The following FBLN1 variants were observed in gnomAD, a reference collection of about 807,000 sequenced individuals.
The protein encoded by FBLN1 is fibulin-1.
FBLN1 carries 34 observed loss-of-function variants against 89.7 expected under a neutral mutation model. The observed-to-expected ratio is 0.38, with a 90% CI of 0.29 to 0.50. The LOEUF (loss-of-function observed/expected upper bound fraction) is 0.50. Ranked by LOEUF, FBLN1 falls within the 20% of genes least tolerant of loss-of-function variation. FBLN1 has a pLI of 0.92. For missense variants in FBLN1, 777 were observed against 988.1 expected (o/e 0.79, Z 2.86); for synonymous variants, 393 against 391.3 (o/e 1.00, Z -0.05).
intron 16 of FBLN1, among the ~76,000 whole-genome samples, chr22:45,589,067 T>TTA (rs979430407): frequency 2.1e-3 from 104 of 50,494 alleles, no homozygotes; most frequent in Middle Eastern, 0.013. Context: ...TATGTATTTT[T>TTA]TATATATAAA....
intron 11 of FBLN1, among the ~76,000 whole-genome samples, chr22:45,544,700 G>A (rs891682097): frequency 2.0e-5 from 3 of 152,164 alleles, no homozygotes; most frequent in African/African-American, 7.2e-5. Context: ...CTGGATACCT[G>A]GTCTTGGGCC....
chr22:45,554,125 T>G (rs1302216101), intron 14 of FBLN1, among the ~76,000 whole-genome samples: 1 of 152,204 alleles, frequency 6.6e-6, no homozygotes, highest in Non-Finnish European at 1.5e-5. Flanking sequence ...TCAATGGGCG[T>G]CTGTCTTCCA....
At chr22:45,587,104 C>G (rs1338935072) in intron 16 of FBLN1, among the ~76,000 whole-genome samples, 1 of 152,052 alleles carries the variant, frequency 6.6e-6, no homozygotes, top group African/African-American at 2.4e-5. Context: ...CGTCACGGAG[C>G]CTCTCCCCTC....
chr22:45,518,739 A>G lies in FBLN1; in HGVS notation c.137A>G (p.His46Arg). 3 of 1,612,574 alleles carry G rather than the reference A, an allele frequency of 1.9e-6. No individual in the cohort carries two copies. The highest frequency in any genetic ancestry group is 2.5e-6 in the Non-Finnish European group (3 of 1,179,400). ...GCGGACGGACACCGGATGGCCACTC[A>G]TCAGAAGGACTGCTCGCTGCCATAT... Reference protein sequence around the residue: ...CCADGHRMATHQKDCSLPYAT... With the variant: ...CCADGHRMATRQKDCSLPYAT... Residue 46 changes from histidine (H) to arginine (R), a missense_variant, in exon 2 of 17, where the codon CAT (histidine) becomes CGT (arginine). Physicochemically the swap from His to Arg is conservative, Grantham distance 29. Coordinates refer to ENST00000327858, the MANE Select transcript of FBLN1 (RefSeq NM_006486.3).
chr22:45,588,863 T>C lies in FBLN1; in HGVS notation c.1973-11444T>C, dbSNP rs1376697094. On this transcript the variant is annotated intron_variant, in intron 16 of 16. Transcript: ENST00000327858. The surrounding 1 kb of genome is among the most constrained non-coding windows in gnomAD (Gnocchi z 5.1). ...ATGATATGAATCTTTTGGCGGCCTC[T>C]CCTAACCGTCTTTAAATCTGCGAAA... Among the ~76,000 whole-genome samples the C allele has an allele frequency of 6.7e-6, 1 of 149,808 alleles. No individual in the cohort carries two copies. Among genetic ancestry groups the C allele is most frequent in the East Asian group, 1.9e-4 (1 of 5,140 alleles).
chr22:45,544,277 G>A (rs561454433), intron 11 of FBLN1, among the ~76,000 whole-genome samples: 54,415 of 151,834 alleles, frequency 0.36, 10,391 homozygotes, highest in Middle Eastern at 0.5. Context: ...AGTAGAGACA[G>A]GGTTTCCCCA....
chr22:45,539,385 G>A (rs891579424), intron 8 of FBLN1, among the ~76,000 whole-genome samples: 8 of 151,722 alleles, frequency 5.3e-5, no homozygotes, highest in African/African-American at 1.9e-4. Flanking sequence ...ATTTTCAGTA[G>A]AGATGGGGTT....
rs1022205204 is a variant in FBLN1 at position 45,577,586 on chromosome 22, G to A, written c.1972+478G>A. On this transcript the variant is annotated intron_variant, in intron 16 of 16. Coordinates refer to ENST00000327858, the MANE Select transcript of FBLN1 (RefSeq NM_006486.3). The surrounding 1 kb of genome is among the most constrained non-coding windows in gnomAD (Gnocchi z 6.6). ...CTCAGCCTTGGAACTAGCTGGATTC[G>A]CCATGTGGCCTTGAGCAGTAGTCGT... Among the ~76,000 whole-genome samples the A allele has an allele frequency of 1.3e-5, 2 of 152,190 alleles. No individual in the cohort carries two copies. Among genetic ancestry groups the A allele is most frequent in the Admixed American group, 6.5e-5 (1 of 15,282 alleles).
At position 45,581,850 on chromosome 22, in the gene FBLN1, G is replaced by A. The variant is rs1293923631; in HGVS notation, c.1972+4742G>A. 1.3e-5 allele frequency among the ~76,000 whole-genome samples: 2 copies of A among 152,094 alleles called. No individual in the cohort carries two copies. Among genetic ancestry groups the A allele is most frequent in the Admixed American group, 1.3e-4 (2 of 15,268 alleles). ...AGAGGCAGGGAGCCAGGAAGGGAGG[G>A]CACAGCCTGCGGTTTGGGGCTGCTG... On this transcript the variant is annotated intron_variant, in intron 16 of 16. Coordinates refer to ENST00000327858, the MANE Select transcript of FBLN1 (RefSeq NM_006486.3). The surrounding 1 kb of genome is among the most constrained non-coding windows in gnomAD (Gnocchi z 7.6).
intron 9 of FBLN1, among the ~76,000 whole-genome samples, 181 bp from the exon 10 acceptor site, chr22:45,541,974 T>C: frequency 6.6e-6 from 1 of 152,234 alleles, no homozygotes; most frequent in South Asian, 2.1e-4. Flanking sequence ...GGGCTGCCTC[T>C]GGGTCAGCTA....
At chr22:45,524,936 T>A (rs927261781) in intron 2 of FBLN1, among the ~76,000 whole-genome samples, 1 of 151,966 alleles carries the variant, frequency 6.6e-6, no homozygotes, top group Non-Finnish European at 1.5e-5. Flanking sequence ...ATAGAAAAGT[T>A]AGCCAGGTGT....
rs1208862305 is a variant in FBLN1 at position 45,502,891 on chromosome 22, C to T, written c.-95C>T. Reference sequence around the variant, plus strand: ...CGCGGCCCTGGCCCAGCGTTGGCTGCCGAGGCTCGGCCGGAGCGTGGAGCC... The same window carrying T: ...CGCGGCCCTGGCCCAGCGTTGGCTGTCGAGGCTCGGCCGGAGCGTGGAGCC... On this transcript the variant is annotated 5_prime_UTR_variant, in exon 1 of 17. Transcript: ENST00000327858. The T allele has an allele frequency of 2.4e-6, 1 of 422,714 alleles. No homozygotes were observed. Among genetic ancestry groups the T allele is most frequent in the Non-Finnish European group, 3.2e-6 (1 of 309,630 alleles). 26.2% of individuals were successfully genotyped at this position (422,714 alleles called of 1,614,324 possible). A position where few individuals can be genotyped will look rare whatever the true frequency, so the allele number is the denominator to read the frequency against.
At chr22:45,517,931 G>C (rs1266077618) in intron 1 of FBLN1, among the ~76,000 whole-genome samples, 1 of 152,130 alleles carries the variant, frequency 6.6e-6, no homozygotes, top group Non-Finnish European at 1.5e-5. Context: ...AGGAGTTCCA[G>C]ACCAGCCTAG....
At chr22:45,552,421 A>G (rs2088716082) in intron 14 of FBLN1, among the ~76,000 whole-genome samples, 1 of 152,086 alleles carries the variant, frequency 6.6e-6, no homozygotes, top group South Asian at 2.1e-4. Flanking sequence ...GACTCCCGGG[A>G]CTGATAGTGA....
At position 45,561,493 on chromosome 22, in the gene FBLN1, C is replaced by T. The variant is rs540932509; in HGVS notation, c.1697+10878C>T. The stretch of plus-strand genomic sequence containing the variant: ...AGCGATGAATCAGGAGTTTCAAATG[C>T]GTTTATTTTTCATAACTCTCTAAAC... On this transcript the variant is annotated intron_variant, in intron 14 of 16. Coordinates refer to ENST00000327858, the MANE Select transcript of FBLN1 (RefSeq NM_006486.3). The surrounding 1 kb of genome is among the most constrained non-coding windows in gnomAD (Gnocchi z 4.7). Among the ~76,000 whole-genome samples the T allele has an allele frequency of 2.6e-5, 4 of 152,252 alleles. No homozygotes were observed. The highest frequency in any genetic ancestry group is 2.1e-4 in the South Asian group (1 of 4,820).
In FBLN1 at chr22:45,502,978, C is replaced by A. The variant is rs1339724019; in HGVS notation, c.-8C>A. The A allele has an allele frequency of 8.4e-7, 1 of 1,186,916 alleles. No homozygotes were observed. The highest frequency in any genetic ancestry group is 3.9e-5 in the East Asian group (1 of 25,704). The allele number at this position is 1,186,916 out of a possible 1,614,324, so 73.5% of individuals were successfully genotyped here. ...CCGCCGCCGCCCACCGCCCGTCGCCCGCCGCCCATGGAGCGCGCCGCGCCG... is the reference window on the plus strand; with the variant it reads ...CCGCCGCCGCCCACCGCCCGTCGCCAGCCGCCCATGGAGCGCGCCGCGCCG... On this transcript the variant is annotated 5_prime_UTR_variant, in exon 1 of 17. Transcript: ENST00000327858.
chr22:45,552,207 A>C (rs1434225168), intron 14 of FBLN1, among the ~76,000 whole-genome samples: 3 of 152,030 alleles, frequency 2.0e-5, no homozygotes, highest in African/African-American at 7.2e-5. Context: ...AGGGGACCCC[A>C]CCTGGCTGGG....
chr22:45,514,920 G>A (rs1484965814), intron 1 of FBLN1, among the ~76,000 whole-genome samples: 1 of 152,190 alleles, frequency 6.6e-6, no homozygotes, highest in Non-Finnish European at 1.5e-5. Context: ...GGGCGTGGGG[G>A]CCTCCAGTGT....
At position 45,586,729 on chromosome 22, in the gene FBLN1, G is replaced by C. The variant is rs140695124; in HGVS notation, c.1972+9621G>C. On this transcript the variant is annotated intron_variant, in intron 16 of 16. Coordinates refer to ENST00000327858, the MANE Select transcript of FBLN1 (RefSeq NM_006486.3). ...GCACACTGAGCAGGTGAAAGGTGGT[G>C]GGGGGTAAGCAGGTGTTTCGGAAGG... Among the ~76,000 whole-genome samples, 862 of 152,282 alleles carry C rather than the reference G, an allele frequency of 5.7e-3. 4 individuals are homozygous for C. The highest frequency in any genetic ancestry group is 8.9e-3 in the Non-Finnish European group (607 of 68,010).
Sources: allele counts gnomAD v4.1 joint callset (sites outside exome capture counted in the v4.1 genomes callset), GRCh38; gene constraint gnomAD v4.1.1; non-coding constraint Gnocchi (gnomAD v3.1); transcripts MANE v1.5; gene names NCBI Gene and HGNC (gene_info 2026-07-23, HGNC 2026-07-21).